Variants in HHAT observed in about 807,000 individuals in gnomAD.
The protein encoded by HHAT is protein-cysteine N-palmitoyltransferase HHAT.
In HHAT, 47 loss-of-function variants were observed where a neutral mutation model predicts 70.8. The observed-to-expected ratio is 0.66, with a 90% CI of 0.53 to 0.85. HHAT has a LOEUF of 0.85. Ranked by LOEUF, HHAT falls within the 40% of genes least tolerant of loss-of-function variation. The pLI, the probability that HHAT is intolerant of heterozygous loss-of-function variation, is 0.00. For synonymous variants in HHAT, 228 were observed against 247.6 expected (o/e 0.92, Z 0.74); for missense variants, 609 against 604.8 (o/e 1.01, Z -0.07).
chr1:210,617,693 A>G (rs1056468551), intron 10 of HHAT, among the ~76,000 whole-genome samples: 10 of 152,260 alleles, frequency 6.6e-5, no homozygotes, highest in African/African-American at 2.4e-4. Context: ...TTTTAAACTA[A>G]GCTGGACATC....
rs573614607 is a variant in HHAT, at chr1:210,365,483, A to AT, written c.159+2572dup. Reference sequence around the variant, plus strand: ...AGGCACCTGCAACCACATCCAGCTAATTTTTTTTATTTTTAGTAGAGATGG... The same window carrying AT: ...AGGCACCTGCAACCACATCCAGCTAATTTTTTTTTATTTTTAGTAGAGATGG... On this transcript the variant is annotated intron_variant, in intron 3 of 11. Coordinates refer to ENST00000261458, the MANE Select transcript of HHAT (RefSeq NM_018194.6). Among the ~76,000 whole-genome samples, 36 of 151,438 alleles carry AT rather than the reference A, an allele frequency of 2.4e-4. 2 individuals carry two copies. In the South Asian group the frequency reaches 6.1e-3, roughly 25 times the overall value.
intron 9 of HHAT, among the ~76,000 whole-genome samples, chr1:210,547,649 C>T (rs1329853558): frequency 2.0e-5 from 3 of 152,190 alleles, no homozygotes; most frequent in Admixed American, 2.0e-4. Context: ...TTGTGCATAA[C>T]ACTGAGTTGG....
At chr1:210,422,926 C>T (rs1343504518) in intron 7 of HHAT, among the ~76,000 whole-genome samples, 2 of 152,186 alleles carry the variant, frequency 1.3e-5, no homozygotes, top group Non-Finnish European at 2.9e-5. Flanking sequence ...CAGGAGCCAC[C>T]ATGCCCAGCT....
chr1:210,611,797 A>G (rs1439932708), intron 10 of HHAT, among the ~76,000 whole-genome samples: 1 of 152,076 alleles, frequency 6.6e-6, no homozygotes, highest in Non-Finnish European at 1.5e-5. Flanking sequence ...TGTTTATGTG[A>G]TGAATCACCT....
At chr1:210,391,443 TA>T (rs998347931) in intron 4 of HHAT, among the ~76,000 whole-genome samples, 4 of 152,124 alleles carry the variant, frequency 2.6e-5, no homozygotes, top group Non-Finnish European at 4.4e-5. Context: ...ACGCTAAAAT[TA>T]AAAACTTTTT....
intron 1 of HHAT, among the ~76,000 whole-genome samples, chr1:210,342,003 T>C (rs1252300254): frequency 7.9e-5 from 12 of 152,154 alleles, no homozygotes; most frequent in Non-Finnish European, 1.5e-4. Flanking sequence ...TTCAACAACA[T>C]TTAGCTTCAA....
chr1:210,397,552 C>G (rs2091857825), intron 4 of HHAT, among the ~76,000 whole-genome samples: 1 of 85,930 alleles, frequency 1.2e-5, no homozygotes, highest in South Asian at 3.6e-4. Flanking sequence ...CAAAATGCAA[C>G]ACAATTTTTT....
intron 9 of HHAT, among the ~76,000 whole-genome samples, chr1:210,535,630 A>G (rs2095364037): frequency 6.6e-6 from 1 of 152,034 alleles, no homozygotes; most frequent in South Asian, 2.1e-4. Flanking sequence ...TTTATGACAG[A>G]AGCTACTTTG....
chr1:210,520,182 A>AT (rs1365952346), intron 9 of HHAT, among the ~76,000 whole-genome samples: 2 of 151,624 alleles, frequency 1.3e-5, no homozygotes, highest in Non-Finnish European at 2.9e-5. Context: ...TGCCCTGCTA[A>AT]TTTTTTGTAT....
Position 210,530,876 on chromosome 1 carries a change from G to GA in HHAT, c.1043+17698dup, listed in dbSNP as rs144313424. Reference sequence around the variant, plus strand: ...GATGCTCAAAGTATTGACAGGCTAAGAAAAAAAAAATGCATATAAACAGTC... The same window carrying GA: ...GATGCTCAAAGTATTGACAGGCTAAGAAAAAAAAAAATGCATATAAACAGTC... On this transcript the variant is annotated intron_variant, in intron 9 of 11. Coordinates refer to ENST00000261458, the MANE Select transcript of HHAT (RefSeq NM_018194.6). 2.4e-4 allele frequency among the ~76,000 whole-genome samples: 36 copies of GA among 147,838 alleles called. 1 individual carries two copies. The highest frequency in any genetic ancestry group is 1.3e-3 in the South Asian group (6 of 4,652).
At chr1:210,635,857 G>A (rs909317867) in intron 11 of HHAT, among the ~76,000 whole-genome samples, 1 of 152,154 alleles carries the variant, frequency 6.6e-6, no homozygotes, top group Non-Finnish European at 1.5e-5. Flanking sequence ...GACGCTTTGC[G>A]GAGATGAGCC....
At chr1:210,502,972 A>ATT (rs35971625) in intron 8 of HHAT, among the ~76,000 whole-genome samples, 8 of 147,048 alleles carry the variant, frequency 5.4e-5, no homozygotes, top group South Asian at 2.2e-4. Flanking sequence ...TACTGAAGAT[A>ATT]TTTTTTTTTT....
At chr1:210,411,347 G>A (rs536501255) in intron 6 of HHAT, among the ~76,000 whole-genome samples, 2 of 152,330 alleles carry the variant, frequency 1.3e-5, no homozygotes, top group Admixed American at 6.5e-5. Context: ...TAGGCCATAT[G>A]CACAGTTGGC....
intron 8 of HHAT, among the ~76,000 whole-genome samples, chr1:210,495,947 G>T (rs563614678): frequency 1.1e-4 from 15 of 138,036 alleles, no homozygotes; most frequent in Non-Finnish European, 1.8e-4. Flanking sequence ...GGAGGCAGAG[G>T]TTGCAGTGAA....
intron 3 of HHAT, among the ~76,000 whole-genome samples, chr1:210,370,871 C>T (rs1425609780): frequency 6.6e-6 from 1 of 152,126 alleles, no homozygotes; most frequent in Non-Finnish European, 1.5e-5. Context: ...GCCTTGGCCT[C>T]CCAAAGTGCT....
At chr1:210,592,908 C>G (rs889911953) in intron 10 of HHAT, among the ~76,000 whole-genome samples, 1 of 140,642 alleles carries the variant, frequency 7.1e-6, no homozygotes. Context: ...ACTTTAAGTT[C>G]TCGGGTGCAT....
intron 7 of HHAT, among the ~76,000 whole-genome samples, chr1:210,453,713 G>A (rs2093802750): frequency 6.6e-6 from 1 of 152,142 alleles, no homozygotes; most frequent in African/African-American, 2.4e-5. Context: ...TACTTTGAGG[G>A]GGGTAATTAT....
At chr1:210,672,008 G>A (rs759870274) in intron 11 of HHAT, among the ~76,000 whole-genome samples, 30 of 152,180 alleles carry the variant, frequency 2.0e-4, no homozygotes, top group Non-Finnish European at 2.8e-4. Context: ...CCCTCCCACC[G>A]TTACTATTAC....
chr1:210,518,691 G>T (rs1444898776), intron 9 of HHAT, among the ~76,000 whole-genome samples: 1 of 152,090 alleles, frequency 6.6e-6, no homozygotes, highest in African/African-American at 2.4e-5. Context: ...TACTTGGGAG[G>T]CTGAGGCATG....
Sources: allele counts gnomAD v4.1 joint callset (sites outside exome capture counted in the v4.1 genomes callset), GRCh38; gene constraint gnomAD v4.1.1; transcripts MANE v1.5; gene names NCBI Gene and HGNC (gene_info 2026-07-23, HGNC 2026-07-21).